DHCR24: variants seen among roughly 807,000 people sequenced by gnomAD.
DHCR24 encodes delta(24)-sterol reductase.
In DHCR24, 28 loss-of-function variants were observed where a neutral mutation model predicts 61.2. The observed-to-expected ratio is 0.46, with a 90% CI of 0.34 to 0.63. DHCR24 has a LOEUF of 0.63. Ranked by LOEUF, DHCR24 falls within the 20% of genes least tolerant of loss-of-function variation. The pLI is 0.01. For missense variants in DHCR24, 538 were observed against 679.1 expected, an observed-to-expected ratio of 0.79 and a Z score of 2.31; for synonymous variants, 261 against 275.9, an observed-to-expected ratio of 0.95 and a Z score of 0.54.
In DHCR24 at chr1:54,887,162, G is replaced by A. The variant is rs372892481; in HGVS notation, c.-43C>T. On this transcript the variant is annotated 5_prime_UTR_variant, in exon 1 of 9. Coordinates refer to ENST00000371269, the MANE Select transcript of DHCR24 (RefSeq NM_014762.4). ...TAAGCGCTGCGGGTTCGCGCCTCCT[G>A]TCACTGCCGCCAGCTCCGCGCCTGG... 221 of 1,501,178 alleles carry A rather than the reference G, an allele frequency of 1.5e-4. No homozygotes were observed. The African/African-American group carries it at 2.9e-3, about 19-fold the overall frequency. The allele number at this position is 1,501,178 out of a possible 1,614,324, so 93.0% of individuals were successfully genotyped here. A position where few individuals can be genotyped will look rare whatever the true frequency, so the allele number is the denominator to read the frequency against.
chr1:54,867,852 C>A (rs600491), intron 5 of DHCR24, among the ~76,000 whole-genome samples: 11 of 151,992 alleles, frequency 7.2e-5, no homozygotes, highest in African/African-American at 2.7e-4. Flanking sequence ...GTATTGCCAC[C>A]GCTGTTCCAG....
In DHCR24 at chr1:54,883,105, T is replaced by G. The variant is rs1457921098; in HGVS notation, c.387+513A>C. Among the ~76,000 whole-genome samples the G allele has an allele frequency of 6.6e-6, 1 of 152,220 alleles. No homozygotes were observed. The highest frequency in any genetic ancestry group is 1.9e-4 in the East Asian group (1 of 5,196). ...TTATTGGATATTGTGTTGTTGTCAATTAGAAATAAAGCTGTGATATAATCA... is the reference window on the plus strand; with the variant it reads ...TTATTGGATATTGTGTTGTTGTCAAGTAGAAATAAAGCTGTGATATAATCA... On this transcript the variant is annotated intron_variant, in intron 2 of 8. Coordinates refer to ENST00000371269, the MANE Select transcript of DHCR24 (RefSeq NM_014762.4). The surrounding 1 kb of genome is among the most constrained non-coding windows in gnomAD (Gnocchi z 4.3).
rs760795756 is a variant in DHCR24, at chr1:54,865,411, G to C, written c.912C>G (p.Phe304Leu). 6.2e-7 allele frequency: 1 copy of C among 1,614,218 alleles called. No homozygotes were observed. The highest frequency in any genetic ancestry group is 8.5e-7 in the Non-Finnish European group (1 of 1,180,038). Residue 304 changes from phenylalanine (F) to leucine (L), a missense_variant, in exon 6 of 9, where the codon TTC becomes TTG. Phe to Leu is a conservative substitution (Grantham distance 22). Transcript: ENST00000371269. ...NSIGNYYKPWFFKHVENYLKT... is the reference protein window; with the variant it reads ...NSIGNYYKPWLFKHVENYLKT... The stretch of plus-strand genomic sequence containing the variant: ...TCAGATAGTTCTCCACATGCTTAAA[G>C]AACCACGGCTTGTAGTAATTGCCAA...
In DHCR24 at chr1:54,875,363, T is replaced by C. The variant is rs540147939; in HGVS notation, c.494-152A>G. On this transcript the variant is annotated intron_variant, in intron 3 of 8. Coordinates refer to ENST00000371269, the MANE Select transcript of DHCR24 (RefSeq NM_014762.4). ...TTAGGGGAGATTTCCCACCTGTCAA[T>C]CTAGAGAGCAGGAGAGGGAAGGAGG... The C allele has an allele frequency of 8.8e-5, 65 of 739,096 alleles. No homozygotes were observed. The East Asian group carries it at 1.2e-3, about 14-fold the overall frequency. 45.8% of individuals were successfully genotyped at this position (739,096 alleles called of 1,614,324 possible).
chr1:54,878,428 C>T (rs1049215539), intron 2 of DHCR24, among the ~76,000 whole-genome samples: 1 of 135,992 alleles, frequency 7.4e-6, no homozygotes, highest in African/African-American at 2.7e-5. Context: ...GCAGGAGAAT[C>T]ACTTGAATCC....
intron 6 of DHCR24, among the ~76,000 whole-genome samples, chr1:54,861,741 T>A (rs1162351924): frequency 6.6e-6 from 1 of 152,164 alleles, no homozygotes; most frequent in African/African-American, 2.4e-5. Flanking sequence ...ACAGGGCTGG[T>A]CTCACTGTAA....
chr1:54,875,894 G>A lies in DHCR24; in HGVS notation c.493+48C>T, dbSNP rs368429632. 2.0e-6 allele frequency: 3 copies of A among 1,529,330 alleles called. No individual in the cohort carries two copies. The Admixed American group carries it at 5.0e-5, about 26-fold the overall frequency. The allele number at this position is 1,529,330 out of a possible 1,614,324, so 94.7% of individuals were successfully genotyped here. A position where few individuals can be genotyped will look rare whatever the true frequency, so the allele number is the denominator to read the frequency against. ...GGGTGGCCAAGGCCCATCAGCTCCG[G>A]TCCTAGGACCGTGTGTCTCTTCTTG... On this transcript the variant is annotated intron_variant, in intron 3 of 8. Transcript: ENST00000371269.
intron 4 of DHCR24, among the ~76,000 whole-genome samples, chr1:54,873,725 C>T (rs564934744): frequency 1.3e-5 from 2 of 152,368 alleles, no homozygotes; most frequent in South Asian, 4.1e-4. Flanking sequence ...TCACGGCTCA[C>T]TGCAATCTCT....
rs966141883 is a variant in DHCR24 at position 54,850,591 on chromosome 1, A to C, written c.*1642T>G. 3.3e-5 allele frequency: 5 copies of C among 152,244 alleles called. No individual in the cohort carries two copies. The highest frequency in any genetic ancestry group is 1.2e-4 in the African/African-American group (5 of 41,458). 9.4% of individuals were successfully genotyped at this position (152,244 alleles called of 1,614,324 possible). A position where few individuals can be genotyped will look rare whatever the true frequency, so the allele number is the denominator to read the frequency against. On this transcript the variant is annotated 3_prime_UTR_variant, in exon 9 of 9. Transcript: ENST00000371269. ...GAGGATTCTGGCACCTGGAATGACA[A>C]GACAGATGCTTCCCTGCAAGCCAGG...
chr1:54,887,139 A>G lies in DHCR24; in HGVS notation c.-20T>C. ...CTCCATGGTGCGGCGCCGCGCGGTA[A>G]GCGCTGCGGGTTCGCGCCTCCTGTC... On this transcript the variant is annotated 5_prime_UTR_variant, in exon 1 of 9. Coordinates refer to ENST00000371269, the MANE Select transcript of DHCR24 (RefSeq NM_014762.4). The G allele has an allele frequency of 6.5e-7, 1 of 1,547,902 alleles. No individual in the cohort carries two copies. The highest frequency in any genetic ancestry group is 8.7e-7 in the Non-Finnish European group (1 of 1,147,090).
intron 6 of DHCR24, among the ~76,000 whole-genome samples, chr1:54,861,839 G>A (rs1428514771): frequency 1.3e-5 from 2 of 151,986 alleles, no homozygotes; most frequent in Non-Finnish European, 2.9e-5. Context: ...ACTCTCCGAG[G>A]GACAGCTTCA....
chr1:54,879,322 G>GAAAAAAAAAAAAAAAAAAAAA (rs58945175), intron 2 of DHCR24, among the ~76,000 whole-genome samples: 1 of 108,534 alleles, frequency 9.2e-6, no homozygotes, highest in African/African-American at 3.9e-5. Flanking sequence ...GACTCCATCT[G>GAAAAAAAAAAAAAAAAAAAAA]AAAAAAAAAA....
rs79857573 is a variant in DHCR24, at chr1:54,886,940, G to T, written c.180C>A (p.Leu60=). ...GCTCGTGCAGGCGCGGAGCGCTGCT[G>T]AGCTTGAACACCACCCAGGCGCGCA... ...YYVRAWVVFK[L]SSAPRLHEQR... The change falls in exon 1 of 9, where the codon CTC becomes CTA. Residue 60 remains leucine (L), a synonymous_variant. Coordinates refer to ENST00000371269, the MANE Select transcript of DHCR24 (RefSeq NM_014762.4). 1 of 1,613,616 alleles carries T rather than the reference G, an allele frequency of 6.2e-7. No individual in the cohort carries two copies. Among genetic ancestry groups the T allele is most frequent in the African/African-American group, 1.3e-5 (1 of 75,032 alleles).
At position 54,883,808 on chromosome 1, in the gene DHCR24, C is replaced by A. The variant is rs1647077355; in HGVS notation, c.232-35G>T. 1.2e-6 allele frequency: 2 copies of A among 1,613,184 alleles called. No individual in the cohort carries two copies. The highest frequency in any genetic ancestry group is 2.7e-5 in the African/African-American group (2 of 74,948). On this transcript the variant is annotated intron_variant, in intron 1 of 8. Coordinates refer to ENST00000371269, the MANE Select transcript of DHCR24 (RefSeq NM_014762.4). The surrounding 1 kb of genome is among the most constrained non-coding windows in gnomAD (Gnocchi z 4.3). ...CAGGACAGAGGGTGAGCTGGCCCCA[C>A]TGGGAATCCCCAGAGCAGCCTGCAG...
chr1:54,886,274 G>A (rs1399797557), intron 1 of DHCR24, among the ~76,000 whole-genome samples: 3 of 152,192 alleles, frequency 2.0e-5, no homozygotes, highest in African/African-American at 4.8e-5. Context: ...TGAGCCCTCC[G>A]TCAGCAGAGG....
rs1167547852 is a variant in DHCR24, at chr1:54,850,511, C to G, written c.*1722G>C. The stretch of plus-strand genomic sequence containing the variant: ...GCCCTCACAAGACCCTGCTAAGACA[C>G]TGGCAGTGTGCCAAGCCTTGGGTGG... On this transcript the variant is annotated 3_prime_UTR_variant, in exon 9 of 9. Transcript: ENST00000371269. The G allele has an allele frequency of 6.6e-6, 1 of 152,262 alleles. No individual in the cohort carries two copies. The allele number at this position is 152,262 out of a possible 1,614,324, so 9.4% of individuals were successfully genotyped here.
chr1:54,856,999 G>A (rs1435134754), intron 6 of DHCR24, among the ~76,000 whole-genome samples: 4 of 151,282 alleles, frequency 2.6e-5, no homozygotes, highest in Non-Finnish European at 4.4e-5. Flanking sequence ...GAGTTAGACT[G>A]TATCACACTG....
At position 54,854,075 on chromosome 1, in the gene DHCR24, G is replaced by A. The variant is rs951586916; in HGVS notation, c.1180C>T (p.Leu394=). The A allele has an allele frequency of 6.2e-7, 1 of 1,613,760 alleles. No individual in the cohort carries two copies. ...TGGAAGGTGTGCAGGGCCTGCTGCAGGCACTTCATGGGCACCAGCATGTCC... is the reference window on the plus strand; with the variant it reads ...TGGAAGGTGTGCAGGGCCTGCTGCAAGCACTTCATGGGCACCAGCATGTCC... ...VQDMLVPMKC[L]QQALHTFQND... is the part of the protein sequence containing the mutation. The change falls in exon 7 of 9, where the codon CTG becomes TTG. Residue 394 remains leucine (L), a synonymous_variant. Transcript: ENST00000371269.
At chr1:54,854,636 T>C (rs1284722622) in intron 6 of DHCR24, among the ~76,000 whole-genome samples, 1 of 152,236 alleles carries the variant, frequency 6.6e-6, no homozygotes, top group African/African-American at 2.4e-5. Flanking sequence ...ATTCCATAAA[T>C]GTTTGAGAAA....
Sources: allele counts gnomAD v4.1 joint callset (sites outside exome capture counted in the v4.1 genomes callset), GRCh38; gene constraint gnomAD v4.1.1; non-coding constraint Gnocchi (gnomAD v3.1); transcripts MANE v1.5; gene names NCBI Gene and HGNC (gene_info 2026-07-23, HGNC 2026-07-21).